The following POMT1 variants were observed in gnomAD, a reference collection of about 807,000 sequenced individuals.
POMT1 encodes the protein protein O-mannosyltransferase 1.
POMT1 carries 85 observed loss-of-function variants against 101.6 expected under a neutral mutation model. That is an observed-to-expected ratio of 0.84 (90% confidence interval 0.70 to 1.00). POMT1 has a LOEUF of 1.00. Ranked by LOEUF, POMT1 falls within the 50% of genes least tolerant of loss-of-function variation. The pLI is 0.00. For missense variants in POMT1, 857 were observed against 930.4 expected (o/e 0.92, Z 1.03); for synonymous variants, 371 against 383.0 (o/e 0.97, Z 0.37).
intron 11 of POMT1, among the ~76,000 whole-genome samples, chr9:131,512,608 T>C (rs1947361596): frequency 6.6e-6 from 1 of 152,092 alleles, no homozygotes; most frequent in Admixed American, 6.6e-5. Context: ...GCTTTTTCTT[T>C]TTTTTCTTCT....
chr9:131,516,848 A>G (rs764258803), intron 13 of POMT1: 1 of 152,312 alleles, frequency 6.6e-6, no homozygotes, highest in Non-Finnish European at 1.5e-5. Flanking sequence ...TCCATTTCTC[A>G]GGATTTCCCT....
At chr9:131,521,244 T>C in intron 17 of POMT1, 102 bp from the exon 18 acceptor site, 1 of 1,547,628 alleles carries the variant, frequency 6.5e-7, no homozygotes, top group Non-Finnish European at 8.9e-7. Context: ...TTTTTCACTC[T>C]GCTAAAGTAG....
chr9:131,523,012 G>A lies in POMT1; in HGVS notation c.2084G>A (p.Arg695His), dbSNP rs373402995. 89 of 1,609,656 alleles carry A rather than the reference G, an allele frequency of 5.5e-5. No individual in the cohort carries two copies. Among genetic ancestry groups the A allele is most frequent in the Middle Eastern group, 2.2e-4 (1 of 4,498 alleles). Residue 695 changes from arginine to histidine, a missense_variant, in exon 20 of 20, where the codon CGC (arginine) becomes CAC (histidine). Physicochemically the swap from Arg to His is conservative, Grantham distance 29. Coordinates refer to ENST00000402686, the MANE Select transcript of POMT1 (RefSeq NM_001077365.2). ...SSACHVSNTL[R>H]PLTYGDKSLS... Reference sequence around the variant, plus strand: ...GCGTGCCACGTGTCCAACACGCTGCGCCCACTCACCTACGGGGACAAGTCA... The same window carrying A: ...GCGTGCCACGTGTCCAACACGCTGCACCCACTCACCTACGGGGACAAGTCA...
rs370096853 is a variant in POMT1 at position 131,511,472 on chromosome 9, G to A, written c.986+5G>A. The stretch of plus-strand genomic sequence containing the variant: ...CCAGGACACCTACCCCATGATGTAA[G>A]GTGATGGTTTTACTTTGAAGATAAT... On this transcript the variant is annotated splice_donor_5th_base_variant and intron_variant, in intron 10 of 19. Coordinates refer to ENST00000402686, the MANE Select transcript of POMT1 (RefSeq NM_001077365.2). 1.3e-5 allele frequency: 21 copies of A among 1,614,018 alleles called. No homozygotes were observed. The African/African-American group carries it at 2.7e-4, about 21-fold the overall frequency.
At chr9:131,510,997 T>C in intron 9 of POMT1, 18 of 259,898 alleles carry the variant, frequency 6.9e-5, no homozygotes, top group Middle Eastern at 1.3e-3. Context: ...TGCTGTGTGT[T>C]TCAGCAAGTT....
rs1220554233 is a variant in POMT1 at position 131,507,257 on chromosome 9, G to A, written c.281-111G>A. 3.9e-5 allele frequency: 60 copies of A among 1,541,372 alleles called. No individual in the cohort carries two copies. In the South Asian group the frequency reaches 5.4e-4, roughly 14 times the overall value. ...TGATGGGGTCCCCAGTTTTGTAAAC[G>A]TGCATTTTAGAGTCTGTGAACATGA... On this transcript the variant is annotated intron_variant, in intron 4 of 19. Transcript: ENST00000402686.
In POMT1 at chr9:131,519,914, G is replaced by A. The variant is rs1285754709; in HGVS notation, c.1585-166G>A. 6.6e-6 allele frequency among the ~76,000 whole-genome samples: 1 copy of A among 152,154 alleles called. No homozygotes were observed. Among genetic ancestry groups the A allele is most frequent in the African/African-American group, 2.4e-5 (1 of 41,430 alleles). ...GCGACCCTCCCAAGGCCACATTCAG[G>A]GCTGGAATCCAGGTTCTCATCATGC... On this transcript the variant is annotated intron_variant, in intron 16 of 19. Coordinates refer to ENST00000402686, the MANE Select transcript of POMT1 (RefSeq NM_001077365.2). The surrounding 1 kb of genome is among the most constrained non-coding windows in gnomAD (Gnocchi z 4.3).
At chr9:131,511,747 C>T (rs1947159678) in intron 10 of POMT1, 1 of 576,152 alleles carries the variant, frequency 1.7e-6, no homozygotes, top group Non-Finnish European at 3.1e-6. Flanking sequence ...TCTGTGGTAT[C>T]TTCATTTTCC....
chr9:131,505,420 G>A (rs1428097185), intron 2 of POMT1, among the ~76,000 whole-genome samples: 1 of 150,336 alleles, frequency 6.7e-6, no homozygotes, highest in African/African-American at 2.5e-5. Context: ...CTGCCACCAC[G>A]CCTGGCTCAT....
At chr9:131,518,781 G>A (rs1185478310) in intron 14 of POMT1, 56 bp from the exon 15 acceptor site, 1 of 1,613,394 alleles carries the variant, frequency 6.2e-7, no homozygotes, top group Non-Finnish European at 8.5e-7. Flanking sequence ...AACCCAAGTG[G>A]ACACGGGAGC....
At chr9:131,505,302 T>TTTG (rs1302027039) in intron 2 of POMT1, among the ~76,000 whole-genome samples, 2 of 151,024 alleles carry the variant, frequency 1.3e-5, no homozygotes, top group Non-Finnish European at 3.0e-5. Flanking sequence ...TGAGGATTTT[T>TTTG]TTTTTTTTTT....
At chr9:131,512,411 A>AC (rs779366062) in intron 11 of POMT1, among the ~76,000 whole-genome samples, 6 of 151,006 alleles carry the variant, frequency 4.0e-5, no homozygotes, top group African/African-American at 7.3e-5. Context: ...AAAAACAAGA[A>AC]CCCCCCTCCT....
rs1032439203 is a variant in POMT1, at chr9:131,509,781, CAG to C, written c.579_580del (p.Val195ArgfsTer136). ...AGCTGGTGGTTCTGGCTAACACTGA[CAG>C]GGGTCGCTTGTTCCTGTGCAGTGGG... On this transcript the variant is annotated frameshift_variant, in exon 7 of 20. Transcript: ENST00000402686. LOFTEE classifies it high-confidence loss of function. The C allele has an allele frequency of 1.9e-5, 30 of 1,614,124 alleles. No homozygotes were observed. The highest frequency in any genetic ancestry group is 1.1e-4 in the African/African-American group (8 of 74,940).
In POMT1 at chr9:131,519,311, T is replaced by C. The variant is rs1949423382; in HGVS notation, c.1487-78T>C. The stretch of plus-strand genomic sequence containing the variant: ...TTAGAAAGGCAGGAAGCCAGCTTTT[T>C]GCTGCACTGACAGCTTCTGCTCTGA... On this transcript the variant is annotated intron_variant, in intron 15 of 19. Coordinates refer to ENST00000402686, the MANE Select transcript of POMT1 (RefSeq NM_001077365.2). The surrounding 1 kb of genome is among the most constrained non-coding windows in gnomAD (Gnocchi z 4.3). The C allele has an allele frequency of 2.1e-6, 3 of 1,405,602 alleles. No individual in the cohort carries two copies. The highest frequency in any genetic ancestry group is 2.8e-5 in the African/African-American group (2 of 70,212). The allele number at this position is 1,405,602 out of a possible 1,614,324, so 87.1% of individuals were successfully genotyped here.
rs62636653 is a variant in POMT1 at position 131,518,950 on chromosome 9, C to A, written c.1479C>A (p.Tyr493Ter). ...STVWNVEEHR[Y>*]GASQEQRERE... ...TGTGGAACGTGGAGGAGCACCGATACGGCGCGAGTGAGTCCGCGGCGTGGC... is the reference window on the plus strand; with the variant it reads ...TGTGGAACGTGGAGGAGCACCGATAAGGCGCGAGTGAGTCCGCGGCGTGGC... The change falls in exon 15 of 20, where the codon TAC becomes TAA. Residue 493 changes from tyrosine to a stop codon, truncating the protein, a stop_gained. Coordinates refer to ENST00000402686, the MANE Select transcript of POMT1 (RefSeq NM_001077365.2). LOFTEE classifies it high-confidence loss of function. 6.2e-7 allele frequency: 1 copy of A among 1,613,518 alleles called. No individual in the cohort carries two copies. Among genetic ancestry groups the A allele is most frequent in the South Asian group, 1.1e-5 (1 of 91,080 alleles).
intron 6 of POMT1, 137 bp downstream of exon 6, chr9:131,509,159 A>C (rs1946532034): frequency 5.7e-6 from 4 of 705,880 alleles, no homozygotes; most frequent in South Asian, 3.2e-5. Context: ...TGCTTGCTAA[A>C]TATCTTTTTT....
At chr9:131,511,664 G>C in intron 10 of POMT1, 197 bp downstream of exon 10, 1 of 688,728 alleles carries the variant, frequency 1.5e-6, no homozygotes, top group Non-Finnish European at 2.4e-6. Context: ...GCAGGGCCCA[G>C]GGTCGGCCCC....
Position 131,510,421 on chromosome 9 carries a change from T to C in POMT1, c.855+6T>C, listed in dbSNP as rs200692465. On this transcript the variant is annotated splice_donor_region_variant and intron_variant, in intron 9 of 19. Coordinates refer to ENST00000402686, the MANE Select transcript of POMT1 (RefSeq NM_001077365.2). ...CCTTCCAGGCCAGCTTAGAGGTAAG[T>C]AAGCAGTGGGCATCGTGGCCACTGG... is the stretch of plus-strand genomic sequence containing the variant. The C allele has an allele frequency of 6.8e-5, 109 of 1,613,780 alleles. No individual in the cohort carries two copies. In the African/African-American group the frequency reaches 1.2e-3, roughly 18 times the overall value.
chr9:131,512,441 G>C (rs1311918701), intron 11 of POMT1, among the ~76,000 whole-genome samples: 2 of 152,024 alleles, frequency 1.3e-5, no homozygotes, highest in Non-Finnish European at 2.9e-5. Context: ...GCATCATCTT[G>C]CACACATCCC....
Sources: allele counts gnomAD v4.1 joint callset (sites outside exome capture counted in the v4.1 genomes callset), GRCh38; gene constraint gnomAD v4.1.1; non-coding constraint Gnocchi (gnomAD v3.1); transcripts MANE v1.5; gene names NCBI Gene and HGNC (gene_info 2026-07-23, HGNC 2026-07-21).